SNTB1: variants seen among roughly 807,000 people sequenced by gnomAD.
The protein encoded by SNTB1 is syntrophin beta 1, also known as beta-1-syntrophin.
In SNTB1, 36 loss-of-function variants were observed where a neutral mutation model predicts 48.9. That is an observed-to-expected ratio of 0.74 (90% CI 0.56 to 0.97). The LOEUF is 0.97. Ranked by LOEUF, SNTB1 falls within the 50% of genes least tolerant of loss-of-function variation. The pLI, the probability that SNTB1 is intolerant of heterozygous loss-of-function variation, is 0.00. For synonymous variants in SNTB1, 299 were observed against 294.6 expected (o/e 1.01, Z -0.15); for missense variants, 786 against 703.4 (o/e 1.12, Z -1.33).
chr8:120,628,951 G>C (rs960128902), intron 3 of SNTB1, among the ~76,000 whole-genome samples: 4 of 152,086 alleles, frequency 2.6e-5, no homozygotes, highest in African/African-American at 9.7e-5. Flanking sequence ...TTGAGTCCAG[G>C]AGTTCCAGCC....
chr8:120,754,880 G>A (rs1377189877), intron 1 of SNTB1, among the ~76,000 whole-genome samples: 1 of 152,140 alleles, frequency 6.6e-6, no homozygotes, highest in East Asian at 1.9e-4. Flanking sequence ...ATTATGGACT[G>A]TAGAGTTGTA....
intron 1 of SNTB1, among the ~76,000 whole-genome samples, chr8:120,743,622 A>G (rs1819079751): frequency 1.3e-5 from 2 of 152,294 alleles, no homozygotes; most frequent in Admixed American, 6.5e-5. Flanking sequence ...CTTTCAATCT[A>G]TGAATGAAAC....
At chr8:120,724,389 T>C in intron 1 of SNTB1, among the ~76,000 whole-genome samples, 1 of 152,190 alleles carries the variant, frequency 6.6e-6, no homozygotes, top group Admixed American at 6.5e-5. Flanking sequence ...GGTATGTGTC[T>C]CCTGAGACTG....
intron 5 of SNTB1, among the ~76,000 whole-genome samples, chr8:120,542,328 G>A (rs539129973): frequency 6.6e-6 from 1 of 152,194 alleles, no homozygotes; most frequent in South Asian, 2.1e-4. Flanking sequence ...GGCCCTGTGG[G>A]CCTTGTCTCA....
chr8:120,762,186 C>T (rs973555433), intron 1 of SNTB1, among the ~76,000 whole-genome samples: 7 of 152,144 alleles, frequency 4.6e-5, no homozygotes, highest in Non-Finnish European at 7.3e-5. Flanking sequence ...TCAAGACACA[C>T]ATAAAAGAGC....
chr8:120,540,222 C>T (rs1815263449), intron 6 of SNTB1, among the ~76,000 whole-genome samples: 1 of 152,184 alleles, frequency 6.6e-6, no homozygotes, highest in African/African-American at 2.4e-5. Context: ...GCATTTCCTA[C>T]AGCTCATCTC....
At chr8:120,639,519 A>G (rs1587053543) in intron 2 of SNTB1, among the ~76,000 whole-genome samples, 2 of 152,162 alleles carry the variant, frequency 1.3e-5, no homozygotes, top group Admixed American at 1.3e-4. Context: ...TAGGTCTAAC[A>G]TTTAAGTCTT....
intron 1 of SNTB1, among the ~76,000 whole-genome samples, chr8:120,780,859 A>G (rs1038908240): frequency 6.6e-6 from 1 of 152,254 alleles, no homozygotes; most frequent in Non-Finnish European, 1.5e-5. Flanking sequence ...TTTTTATAAA[A>G]GTAACATACA....
intron 2 of SNTB1, among the ~76,000 whole-genome samples, chr8:120,662,056 G>C (rs1817597689): frequency 6.6e-6 from 1 of 152,058 alleles, no homozygotes; most frequent in Non-Finnish European, 1.5e-5. Context: ...GGAAATGACA[G>C]CTTCATAATT....
At chr8:120,712,721 T>C (rs1818484758) in intron 1 of SNTB1, among the ~76,000 whole-genome samples, 1 of 152,300 alleles carries the variant, frequency 6.6e-6, no homozygotes, top group African/African-American at 2.4e-5. Flanking sequence ...ATCATAGCAC[T>C]CATTCAGTGA....
chr8:120,615,065 C>T (rs10091353), intron 3 of SNTB1, among the ~76,000 whole-genome samples: 122,089 of 150,674 alleles, frequency 0.81, 50,482 homozygotes, highest in Middle Eastern at 0.9. Flanking sequence ...GCAGGGGAAT[C>T]ACTTGAGCCC....
chr8:120,667,046 G>A (rs1563846340), intron 2 of SNTB1, among the ~76,000 whole-genome samples: 1 of 151,458 alleles, frequency 6.6e-6, no homozygotes, highest in Non-Finnish European at 1.5e-5. Context: ...TCTACATCAT[G>A]GGTCAGATTT....
In SNTB1 at chr8:120,616,298, A is replaced by AT. The variant is rs137921428; in HGVS notation, c.996+16145dup. On this transcript the variant is annotated intron_variant, in intron 3 of 6. Coordinates refer to ENST00000517992, the MANE Select transcript of SNTB1 (RefSeq NM_021021.4). ...AACACTGGTGCTTAAGATTAGCTTG[A>AT]TTTTTTTTTTTTTTTTTTTGAGACA... Among the ~76,000 whole-genome samples the AT allele has an allele frequency of 3.1e-3, 384 of 122,114 alleles. 3 individuals carry two copies. The highest frequency in any genetic ancestry group is 6.6e-3 in the South Asian group (25 of 3,798). 80.1% of individuals were successfully genotyped at this position (122,114 alleles called of 152,430 possible). A position where few individuals can be genotyped will look rare whatever the true frequency, so the allele number is the denominator to read the frequency against.
At chr8:120,569,931 T>G (rs1815816975) in intron 4 of SNTB1, among the ~76,000 whole-genome samples, 1 of 152,230 alleles carries the variant, frequency 6.6e-6, no homozygotes, top group Non-Finnish European at 1.5e-5. Context: ...AGACTTTGCC[T>G]GAAATCCTAG....
intron 3 of SNTB1, among the ~76,000 whole-genome samples, chr8:120,602,746 A>C (rs891287078): frequency 6.6e-6 from 1 of 151,830 alleles, no homozygotes; most frequent in Non-Finnish European, 1.5e-5. Flanking sequence ...CTATTTAATT[A>C]AGAGAAAAAT....
chr8:120,711,825 T>C lies in SNTB1; in HGVS notation c.572-17917A>G, dbSNP rs113657954. 5.6e-3 allele frequency among the ~76,000 whole-genome samples: 848 copies of C among 152,284 alleles called. 8 individuals carry two copies. Among genetic ancestry groups the C allele is most frequent in the Middle Eastern group, 0.027 (8 of 294 alleles). On this transcript the variant is annotated intron_variant, in intron 1 of 6. Coordinates refer to ENST00000517992, the MANE Select transcript of SNTB1 (RefSeq NM_021021.4). ...GCAGAACCCAAAAAACAAACTTTTATCTTTAGAGTAGTATATATTGTTTGT... is the reference window on the plus strand; with the variant it reads ...GCAGAACCCAAAAAACAAACTTTTACCTTTAGAGTAGTATATATTGTTTGT...
intron 2 of SNTB1, among the ~76,000 whole-genome samples, chr8:120,638,932 G>GGTCAAATGGT (rs1291955447): frequency 6.6e-6 from 1 of 151,330 alleles, no homozygotes; most frequent in Non-Finnish European, 1.5e-5. Flanking sequence ...TAATGGGATG[G>GGTCAAATGGT]ATTTCTAGTT....
intron 2 of SNTB1, among the ~76,000 whole-genome samples, chr8:120,641,895 G>A (rs1472006740): frequency 6.6e-6 from 1 of 152,086 alleles, no homozygotes; most frequent in Non-Finnish European, 1.5e-5. Flanking sequence ...TTCATTTTTT[G>A]TTGTTACCTG....
intron 1 of SNTB1, among the ~76,000 whole-genome samples, chr8:120,777,358 G>A (rs527833651): frequency 6.6e-6 from 1 of 152,084 alleles, no homozygotes; most frequent in East Asian, 1.9e-4. Context: ...CCATTTTTCA[G>A]CCAATGCCTC....
Sources: gnomAD v4.1 joint callset for allele counts (sites outside exome capture counted in the v4.1 genomes callset) on GRCh38, gnomAD v4.1.1 for gene constraint, MANE v1.5 for transcripts, NCBI Gene and HGNC (gene_info 2026-07-23, HGNC 2026-07-21) for gene names.